SNAP91: variants seen among roughly 807,000 people sequenced by gnomAD.
SNAP91 encodes the protein synaptosome associated protein 91.
In SNAP91, 27 loss-of-function variants were observed where a neutral mutation model predicts 100.3. That is an observed-to-expected ratio of 0.27 (90% confidence interval 0.20 to 0.37). SNAP91 has a LOEUF of 0.37. Among genes scored for constraint, SNAP91 ranks in the 10% least tolerant of loss-of-function variants. The probability of loss-of-function intolerance (pLI) is 1.00; values close to 1 mark genes in which losing one functional copy is unlikely to be tolerated. For synonymous variants in SNAP91, 404 were observed against 398.6 expected (o/e 1.01, Z -0.16); for missense variants, 986 against 1,123.7 (o/e 0.88, Z 1.75).
chr6:83,697,429 T>C (rs1374395358), intron 2 of SNAP91, among the ~76,000 whole-genome samples: 1 of 151,850 alleles, frequency 6.6e-6, no homozygotes, highest in African/African-American at 2.4e-5. Flanking sequence ...CAGTTAATGG[T>C]ATGTACTGAG....
chr6:83,633,803 C>T (rs1241640336), intron 8 of SNAP91, among the ~76,000 whole-genome samples: 5 of 152,162 alleles, frequency 3.3e-5, no homozygotes, highest in African/African-American at 9.7e-5. Flanking sequence ...GGCTACCCAA[C>T]TCCCAGCTGC....
At chr6:83,558,196 T>TA (rs1413618873) in intron 28 of SNAP91, among the ~76,000 whole-genome samples, 1 of 152,140 alleles carries the variant, frequency 6.6e-6, no homozygotes. Context: ...ACAATAAGGT[T>TA]AAAAGAAATC....
At chr6:83,669,669 G>A (rs2098748899) in intron 2 of SNAP91, among the ~76,000 whole-genome samples, 1 of 151,808 alleles carries the variant, frequency 6.6e-6, no homozygotes, top group Non-Finnish European at 1.5e-5. Flanking sequence ...CTGTCCCTTA[G>A]CAACCACCAA....
chr6:83,680,346 C>A (rs985452685), intron 2 of SNAP91, among the ~76,000 whole-genome samples: 2 of 152,068 alleles, frequency 1.3e-5, no homozygotes, highest in Admixed American at 6.6e-5. Flanking sequence ...TCTATAACTT[C>A]TGTTCTTGTT....
Position 83,592,957 on chromosome 6 carries a change from T to C in SNAP91, c.1835A>G (p.Asp612Gly). 1 of 1,582,112 alleles carries C rather than the reference T, an allele frequency of 6.3e-7. No homozygotes were observed. The highest frequency in any genetic ancestry group is 8.6e-7 in the Non-Finnish European group (1 of 1,163,552). The change falls in exon 20 of 30, where the codon GAC becomes GGC. Residue 612 changes from aspartate to glycine, a missense_variant. Around this residue, in one of 4 missense-constraint regions of SNAP91, gnomAD observed 575 missense variants for 579.9 expected, o/e 0.99. Coordinates refer to ENST00000369694, the MANE Select transcript of SNAP91 (RefSeq NM_001242792.2). Reference sequence around the variant, plus strand: ...GGCAAAGCACTCACCAGATAAGAGGTCAGCAGTGAGAGAACTCTCAGGCAC... The same window carrying C: ...GGCAAAGCACTCACCAGATAAGAGGCCAGCAGTGAGAGAACTCTCAGGCAC... ...SPVPESSLTA[D>G]LLSVDAFAAP...
At chr6:83,698,464 C>A (rs2099250918) in intron 2 of SNAP91, among the ~76,000 whole-genome samples, 1 of 152,006 alleles carries the variant, frequency 6.6e-6, no homozygotes. Flanking sequence ...GAACAGGGGA[C>A]AAGGCCTTTG....
chr6:83,616,910 T>C, intron 10 of SNAP91, 59 bp downstream of exon 10: 1 of 1,124,884 alleles, frequency 8.9e-7, no homozygotes, highest in South Asian at 1.4e-5. Flanking sequence ...TAAATCTCAT[T>C]CTTAGAAGAA....
intron 17 of SNAP91, 104 bp from the exon 18 acceptor site, chr6:83,593,845 C>T (rs2094137579): frequency 6.8e-7 from 1 of 1,462,006 alleles, no homozygotes; most frequent in African/African-American, 1.4e-5. Flanking sequence ...TATTTACACA[C>T]TAGCTAGGTG....
At chr6:83,582,074 TA>T in intron 23 of SNAP91, 147 bp downstream of exon 23, 2 of 782,278 alleles carry the variant, frequency 2.6e-6, no homozygotes, top group Non-Finnish European at 3.9e-6. Context: ...TTTAAGTTAC[TA>T]AATGAGAGAT....
At chr6:83,698,433 A>G (rs1224696436) in intron 2 of SNAP91, among the ~76,000 whole-genome samples, 1 of 152,106 alleles carries the variant, frequency 6.6e-6, no homozygotes, top group African/African-American at 2.4e-5. Context: ...TTAGAGTCTT[A>G]GATTCTAGCA....
chr6:83,580,638 C>CA (rs748545699), intron 23 of SNAP91, 39 bp from the exon 24 acceptor site: 5 of 1,525,422 alleles, frequency 3.3e-6, no homozygotes, highest in Non-Finnish European at 4.4e-6. Flanking sequence ...TAATTGAAAA[C>CA]AAAAAAAGAT....
At chr6:83,634,172 A>T (rs217333) in intron 8 of SNAP91, among the ~76,000 whole-genome samples, 62,412 of 151,978 alleles carry the variant, frequency 0.41, 12,987 homozygotes, top group South Asian at 0.5. Flanking sequence ...GCCTTTTCCC[A>T]GTGCCTCTGG....
At chr6:83,703,956 A>G (rs1379647536) in intron 2 of SNAP91, among the ~76,000 whole-genome samples, 1 of 152,226 alleles carries the variant, frequency 6.6e-6, no homozygotes, top group Admixed American at 6.5e-5. Context: ...ATCACATGGC[A>G]GGGCTGCAAA....
At chr6:83,616,703 T>C (rs1039537364) in intron 10 of SNAP91, among the ~76,000 whole-genome samples, 40 of 152,158 alleles carry the variant, frequency 2.6e-4, no homozygotes, top group African/African-American at 9.2e-4. Flanking sequence ...ATATTGTGAA[T>C]TCCTTCTAAA....
chr6:83,576,149 A>G, intron 24 of SNAP91, 96 bp from the exon 25 acceptor site: 2 of 642,728 alleles, frequency 3.1e-6, no homozygotes, highest in Non-Finnish European at 5.1e-6. Flanking sequence ...TCTATAAAAA[A>G]GTCCTTATTT....
At chr6:83,599,639 T>C (rs1035391323) in intron 16 of SNAP91, among the ~76,000 whole-genome samples, 3 of 152,156 alleles carry the variant, frequency 2.0e-5, no homozygotes, top group Admixed American at 6.5e-5. Context: ...CTAAACAACT[T>C]TGACAAACTC....
chr6:83,576,760 T>A (rs534674866), intron 24 of SNAP91, among the ~76,000 whole-genome samples: 1 of 152,232 alleles, frequency 6.6e-6, no homozygotes, highest in South Asian at 2.1e-4. Flanking sequence ...AGTACAACGA[T>A]GTGCTGAGTC....
intron 26 of SNAP91, among the ~76,000 whole-genome samples, chr6:83,564,261 A>G (rs1157986356): frequency 6.6e-6 from 1 of 152,044 alleles, no homozygotes; most frequent in Non-Finnish European, 1.5e-5. Context: ...CAGACGGTCA[A>G]TTAATTTTTG....
chr6:83,632,655 T>G (rs543101687), intron 8 of SNAP91, among the ~76,000 whole-genome samples: 2 of 152,232 alleles, frequency 1.3e-5, no homozygotes, highest in African/African-American at 4.8e-5. Context: ...GGTTTCTTTC[T>G]TCTACATGTT....
Sources: gnomAD v4.1 joint callset for allele counts (sites outside exome capture counted in the v4.1 genomes callset) on GRCh38, gnomAD v4.1.1 for gene constraint, gnomAD v4.1.1 regional missense constraint, MANE v1.5 for transcripts, NCBI Gene and HGNC (gene_info 2026-07-23, HGNC 2026-07-21) for gene names.